The following PKHD1 variants were observed in gnomAD, a reference collection of about 807,000 sequenced individuals.
The protein encoded by PKHD1 is fibrocystin.
A neutral mutation model predicts 412.0 loss-of-function variants in PKHD1; 291 were observed. The ratio of observed to expected loss-of-function variants is 0.71; its 90% CI spans 0.64 to 0.78. The LOEUF is 0.78. PKHD1 is among the 30% of genes least tolerant of loss of function. The probability of loss-of-function intolerance (pLI) is 0.00; values close to 1 mark genes in which losing one functional copy is unlikely to be tolerated. For missense variants in PKHD1, 4,825 were observed against 4,950.7 expected (o/e 0.97, Z 0.76); for synonymous variants, 1,777 against 1,821.5 (o/e 0.98, Z 0.62).
At chr6:51,894,651 C>T (rs1583237195) in intron 43 of PKHD1, among the ~76,000 whole-genome samples, 1 of 152,362 alleles carries the variant, frequency 6.6e-6, no homozygotes, top group East Asian at 1.9e-4. Flanking sequence ...CCCCTGCCTA[C>T]CTACCTTCCA....
intron 61 of PKHD1, among the ~76,000 whole-genome samples, chr6:51,651,504 G>A (rs981977361): frequency 6.6e-6 from 1 of 152,058 alleles, no homozygotes; most frequent in East Asian, 1.9e-4. Context: ...AACTTGACAC[G>A]CAATAGGGAA....
At chr6:52,048,748 C>T (rs1194915814) in intron 22 of PKHD1, 129 bp from the exon 23 acceptor site, 2 of 1,048,178 alleles carry the variant, frequency 1.9e-6, no homozygotes, top group Non-Finnish European at 2.9e-6. Context: ...CCTGAGGAAA[C>T]TCAGTAAGGG....
At chr6:51,851,407 T>G (rs1772216610) in intron 49 of PKHD1, among the ~76,000 whole-genome samples, 1 of 152,214 alleles carries the variant, frequency 6.6e-6, no homozygotes, top group South Asian at 2.1e-4. Context: ...TGATGCTGGC[T>G]TCATAAAATG....
At chr6:51,809,260 AT>A (rs1554254851) in intron 52 of PKHD1, among the ~76,000 whole-genome samples, 2 of 151,850 alleles carry the variant, frequency 1.3e-5, no homozygotes, top group African/African-American at 2.4e-5. Flanking sequence ...ACACAACAGA[AT>A]TTTTTTTAGC....
chr6:51,931,783 G>GT (rs768958460), intron 37 of PKHD1, among the ~76,000 whole-genome samples: 2 of 151,816 alleles, frequency 1.3e-5, no homozygotes, highest in African/African-American at 2.4e-5. Context: ...TGTTTAACCA[G>GT]TTTTGAAAAT....
chr6:52,054,683 T>C (rs1053207424), intron 19 of PKHD1, among the ~76,000 whole-genome samples: 1 of 152,194 alleles, frequency 6.6e-6, no homozygotes, highest in African/African-American at 2.4e-5. Context: ...TTCTTTGTCA[T>C]AGGGGCTGTT....
intron 11 of PKHD1, among the ~76,000 whole-genome samples, chr6:52,067,153 A>T (rs2128225540): frequency 6.6e-6 from 1 of 152,306 alleles, no homozygotes; most frequent in Non-Finnish European, 1.5e-5. Context: ...TGCCCATGAG[A>T]CAAAGCAGAG....
rs781314183 is a variant in PKHD1 at position 52,070,393 on chromosome 6, C to A, written c.707+13G>T. The A allele has an allele frequency of 3.2e-6, 5 of 1,570,248 alleles. No individual in the cohort carries two copies. In the South Asian group the frequency reaches 5.5e-5, roughly 17 times the overall value. ...GAAGACAAATTTGCCTATTTCTATACCCAGTTACTTACTTTCCTTTGTTAA... is the reference window on the plus strand; with the variant it reads ...GAAGACAAATTTGCCTATTTCTATAACCAGTTACTTACTTTCCTTTGTTAA... On this transcript the variant is annotated intron_variant, in intron 10 of 66. Transcript: ENST00000371117.
chr6:51,734,867 G>A (rs1054847739), intron 60 of PKHD1, among the ~76,000 whole-genome samples: 44 of 152,266 alleles, frequency 2.9e-4, no homozygotes, highest in Non-Finnish European at 4.9e-4. Flanking sequence ...AAGTGTACAG[G>A]AGAATGTATG....
In PKHD1 at chr6:51,965,092, T is replaced by G. The variant is rs927184; in HGVS notation, c.5752-5066A>C. Reference sequence around the variant, plus strand: ...TATAATGTTCAATGACATTAAACCTTTTGGCCAATTAAAATCCCAAATCCT... The same window carrying G: ...TATAATGTTCAATGACATTAAACCTGTTGGCCAATTAAAATCCCAAATCCT... On this transcript the variant is annotated intron_variant, in intron 35 of 66. Transcript: ENST00000371117. Among the ~76,000 whole-genome samples, 45 of 152,046 alleles carry G rather than the reference T, an allele frequency of 3.0e-4. 1 individual carries two copies. Among genetic ancestry groups the G allele is most frequent in the South Asian group, 1.5e-3 (7 of 4,822 alleles).
chr6:52,006,175 T>C, intron 35 of PKHD1, among the ~76,000 whole-genome samples: 1 of 150,556 alleles, frequency 6.6e-6, no homozygotes, highest in African/African-American at 2.4e-5. Context: ...TAAAAAATTA[T>C]ATATATATAT....
chr6:51,935,698 C>T (rs13218005), intron 36 of PKHD1, among the ~76,000 whole-genome samples: 35,117 of 152,166 alleles, frequency 0.23, 4,626 homozygotes, highest in Non-Finnish European at 0.31. Flanking sequence ...TTCTAAAGCT[C>T]ACCTGTTCAC....
At chr6:51,788,416 A>G (rs911709479) in intron 53 of PKHD1, among the ~76,000 whole-genome samples, 4 of 128,676 alleles carry the variant, frequency 3.1e-5, no homozygotes, top group Non-Finnish European at 6.9e-5. Context: ...GTACTGCATC[A>G]AGGAGTTCTC....
At chr6:51,993,766 A>C (rs1797337653) in intron 35 of PKHD1, among the ~76,000 whole-genome samples, 1 of 152,152 alleles carries the variant, frequency 6.6e-6, no homozygotes, top group African/African-American at 2.4e-5. Flanking sequence ...AGTCAATTCG[A>C]TAGTTTAGGG....
At chr6:51,947,615 C>T (rs1789665135) in intron 36 of PKHD1, among the ~76,000 whole-genome samples, 1 of 152,184 alleles carries the variant, frequency 6.6e-6, no homozygotes, top group Non-Finnish European at 1.5e-5. Flanking sequence ...GCATCCTCTT[C>T]TCAGCCTCTT....
intron 63 of PKHD1, among the ~76,000 whole-genome samples, chr6:51,642,341 T>A (rs1286728865): frequency 6.6e-6 from 1 of 152,114 alleles, no homozygotes; most frequent in Non-Finnish European, 1.5e-5. Context: ...AAGTAAGATA[T>A]GGACTATGGG....
rs1269008727 is a variant in PKHD1 at position 51,648,094 on chromosome 6, G to C, written c.11335C>G (p.Pro3779Ala). The C allele has an allele frequency of 6.2e-7, 1 of 1,605,744 alleles. No individual in the cohort carries two copies. The highest frequency in any genetic ancestry group is 8.5e-7 in the Non-Finnish European group (1 of 1,172,274). ...EQNRRVESLGPPSEPWTISAS... is the reference protein window; with the variant it reads ...EQNRRVESLGAPSEPWTISAS... ...GAAATTGTCCATGGCTCTGAAGGAG[G>C]TCCCAGGGACTCTACTCTTCGATTC... Residue 3779 changes from proline to alanine, a missense_variant, in exon 63 of 67, where the codon CCT (proline) becomes GCT (alanine). Coordinates refer to ENST00000371117, the MANE Select transcript of PKHD1 (RefSeq NM_138694.4).
At chr6:51,886,918 G>A (rs1430632452) in intron 44 of PKHD1, among the ~76,000 whole-genome samples, 1 of 152,050 alleles carries the variant, frequency 6.6e-6, no homozygotes, top group Non-Finnish European at 1.5e-5. Context: ...TGGTTGCAGG[G>A]GTGTATACTT....
intron 48 of PKHD1, among the ~76,000 whole-genome samples, chr6:51,861,196 TTACCA>T (rs1162611339): frequency 6.6e-6 from 1 of 152,214 alleles, no homozygotes; most frequent in Non-Finnish European, 1.5e-5. Context: ...AAGTACCAAT[TTACCA>T]TACTAGTTAC....
Sources: gnomAD v4.1 joint callset for allele counts (sites outside exome capture counted in the v4.1 genomes callset) on GRCh38, gnomAD v4.1.1 for gene constraint, MANE v1.5 for transcripts, NCBI Gene and HGNC (gene_info 2026-07-23, HGNC 2026-07-21) for gene names.